Variants in KIFAP3 observed in about 807,000 individuals in gnomAD.
KIFAP3 encodes kinesin associated protein 3.
A neutral mutation model predicts 106.5 loss-of-function variants in KIFAP3; 68 were observed. The observed-to-expected ratio is 0.64, with a 90% CI of 0.53 to 0.78. The LOEUF is 0.78. Ranked by LOEUF, KIFAP3 falls within the 30% of genes least tolerant of loss-of-function variation. The pLI is 0.00. For synonymous variants in KIFAP3, 320 were observed against 311.5 expected (o/e 1.03, Z -0.29); for missense variants, 780 against 941.8 (o/e 0.83, Z 2.25).
intron 10 of KIFAP3, among the ~76,000 whole-genome samples, chr1:170,011,556 CAT>C (rs1256028275): frequency 2.0e-5 from 3 of 151,546 alleles, no homozygotes; most frequent in African/African-American, 7.3e-5. Context: ...TGTATATAAA[CAT>C]ATACACATTA....
intron 19 of KIFAP3, among the ~76,000 whole-genome samples, chr1:169,940,006 ATTTATG>A (rs1446085869): frequency 6.6e-6 from 1 of 152,212 alleles, no homozygotes; most frequent in African/African-American, 2.4e-5. Flanking sequence ...GCAGATTCTG[ATTTATG>A]TTTATATGTT....
At position 170,046,856 on chromosome 1, in the gene KIFAP3, T is replaced by C; in HGVS notation, c.175A>G (p.Lys59Glu). The change falls in exon 3 of 20, where the codon AAG becomes GAG. Residue 59 changes from lysine (K) to glutamate (E), a missense_variant. Around this residue, in one of 3 missense-constraint regions of KIFAP3, gnomAD observed 588 missense variants for 678.9 expected, o/e 0.87. Coordinates refer to ENST00000361580, the MANE Select transcript of KIFAP3 (RefSeq NM_014970.4). ...ATATCTGTGTTGGCATTGAGACTCT[T>C]AAGTCGAATGCTGTAAGTATAACAG... ...RKECQKIIRL[K>E]SLNANTDITS... The C allele has an allele frequency of 6.2e-7, 1 of 1,602,336 alleles. No homozygotes were observed. Among genetic ancestry groups the C allele is most frequent in the Non-Finnish European group, 8.5e-7 (1 of 1,174,234 alleles).
intron 10 of KIFAP3, among the ~76,000 whole-genome samples, chr1:170,014,931 G>A (rs578140071): frequency 2.6e-5 from 4 of 152,120 alleles, no homozygotes; most frequent in Non-Finnish European, 5.9e-5. Flanking sequence ...CCTCATTTAA[G>A]AGATGAGGAA....
chr1:170,081,883 ATTAT>A (rs1402281265), intron 1 of KIFAP3, among the ~76,000 whole-genome samples: 1 of 152,104 alleles, frequency 6.6e-6, no homozygotes, highest in Non-Finnish European at 1.5e-5. Context: ...GGGTGGGAGC[ATTAT>A]TTTACCTGCC....
In KIFAP3 at chr1:170,074,427, A is replaced by T; in HGVS notation, c.32+9T>A. 1 of 1,613,948 alleles carries T rather than the reference A, an allele frequency of 6.2e-7. No individual in the cohort carries two copies. Among genetic ancestry groups the T allele is most frequent in the Non-Finnish European group, 8.5e-7 (1 of 1,179,960 alleles). On this transcript the variant is annotated intron_variant, in intron 1 of 19. Transcript: ENST00000361580. ...AGGAGGGTAGGACAGAGCCTTGGGG[A>T]GTCGTCACCTTTTGAGGTATCTGGC... is the stretch of plus-strand genomic sequence containing the variant.
In KIFAP3 at chr1:169,982,108, C is replaced by T. The variant is rs777912406; in HGVS notation, c.1673-11G>A. The T allele has an allele frequency of 4.3e-6, 7 of 1,610,126 alleles. No individual in the cohort carries two copies. The Admixed American group carries it at 6.8e-5, about 16-fold the overall frequency. ...CATCTTCTGCAGCACCTAGTGAAGT[C>T]AAACCATAGAAAGTTTTCACTGAAA... On this transcript the variant is annotated splice_polypyrimidine_tract_variant and intron_variant, in intron 14 of 19. Transcript: ENST00000361580.
chr1:170,038,395 A>C lies in KIFAP3; in HGVS notation c.412T>G (p.Tyr138Asp). ...ATATCTTCATATAATAACTCAATATATTCATCCATGTCATTAATGTTAGCA... is the reference window on the plus strand; with the variant it reads ...ATATCTTCATATAATAACTCAATATCTTCATCCATGTCATTAATGTTAGCA... ...EVANINDMDE[Y>D]IELLYEDIPD... The change falls in exon 5 of 20, where the codon TAT becomes GAT. Residue 138 changes from tyrosine to aspartate, a missense_variant. By Grantham distance (160) the Tyr-to-Asp change is radical. This residue lies in a region of KIFAP3 where 588 missense variants were observed against 678.9 expected (regional missense o/e 0.87). Transcript: ENST00000361580. 1 of 1,608,064 alleles carries C rather than the reference A, an allele frequency of 6.2e-7. No individual in the cohort carries two copies. Among genetic ancestry groups the C allele is most frequent in the South Asian group, 1.1e-5 (1 of 89,460 alleles).
Position 169,921,775 on chromosome 1 carries a change from T to C in KIFAP3, c.2280A>G (p.Gly760=). ...VGQHSFPGSL[G]MDGFGQPVGI... ...CAACTGGTTGGCCAAAGCCATCCAT[T>C]CCAAGGCTAAAAAAGAAAAAAAAGA... Residue 760 remains glycine (G), a synonymous_variant, in exon 20 of 20, where the codon GGA becomes GGG. Transcript: ENST00000361580. 6.2e-7 allele frequency: 1 copy of C among 1,613,334 alleles called. No homozygotes were observed. Among genetic ancestry groups the C allele is most frequent in the Non-Finnish European group, 8.5e-7 (1 of 1,179,362 alleles).
At chr1:170,074,701 G>A, upstream of KIFAP3, 2 of 1,404,080 alleles carry the variant, frequency 1.4e-6, no homozygotes, top group Non-Finnish European at 1.9e-6. Flanking sequence ...CGCCTAAGCC[G>A]GGCCGTCACG....
intron 10 of KIFAP3, among the ~76,000 whole-genome samples, chr1:169,994,361 C>G (rs1477044139): frequency 6.6e-6 from 1 of 152,130 alleles, no homozygotes; most frequent in Non-Finnish European, 1.5e-5. Context: ...ATTTTTATAT[C>G]ACAAGGTAAA....
chr1:169,956,438 A>G (rs1665015640), intron 18 of KIFAP3, among the ~76,000 whole-genome samples: 1 of 152,158 alleles, frequency 6.6e-6, no homozygotes, highest in South Asian at 2.1e-4. Context: ...GCAAAAGGAT[A>G]AATAGAAATA....
In KIFAP3 at chr1:170,046,842, G is replaced by A. The variant is rs760526753; in HGVS notation, c.189C>T (p.Ala63=). 1.2e-5 allele frequency: 20 copies of A among 1,606,600 alleles called. No individual in the cohort carries two copies. The South Asian group carries it at 1.6e-4, about 13-fold the overall frequency. Residue 63 remains alanine, a synonymous_variant, in exon 3 of 20, where the codon GCC becomes GCT. Coordinates refer to ENST00000361580, the MANE Select transcript of KIFAP3 (RefSeq NM_014970.4). The part of the protein sequence containing the change: ...QKIIRLKSLN[A]NTDITSLARK... ...TTGCCAGGGAAGTTATATCTGTGTT[G>A]GCATTGAGACTCTTAAGTCGAATGC...
At chr1:169,939,961 T>C (rs2750016) in intron 19 of KIFAP3, among the ~76,000 whole-genome samples, 48,501 of 152,004 alleles carry the variant, frequency 0.32, 8,475 homozygotes, top group East Asian at 0.69. Flanking sequence ...CAGGAAGCAG[T>C]TGGAATATGA....
At chr1:169,972,362 A>C in intron 17 of KIFAP3, 151 bp downstream of exon 17, 1 of 533,602 alleles carries the variant, frequency 1.9e-6, no homozygotes, top group Non-Finnish European at 3.4e-6. Flanking sequence ...CTAATGTTTA[A>C]AAAGTAAATT....
chr1:170,032,762 A>G (rs572991273), intron 7 of KIFAP3, among the ~76,000 whole-genome samples: 1 of 151,836 alleles, frequency 6.6e-6, no homozygotes, highest in East Asian at 1.9e-4. Context: ...CAATTACCAT[A>G]ATCTGTTGAG....
chr1:170,035,395 CACAG>C lies in KIFAP3; in HGVS notation c.617+55_617+58del, dbSNP rs1669634323. 4 of 1,029,528 alleles carry C rather than the reference CACAG, an allele frequency of 3.9e-6. No homozygotes were observed. The South Asian group carries it at 5.0e-5, about 13-fold the overall frequency. 63.8% of individuals were successfully genotyped at this position (1,029,528 alleles called of 1,614,324 possible). A position where few individuals can be genotyped will look rare whatever the true frequency, so the allele number is the denominator to read the frequency against. On this transcript the variant is annotated intron_variant, in intron 6 of 19. Coordinates refer to ENST00000361580, the MANE Select transcript of KIFAP3 (RefSeq NM_014970.4). ...AGTGATCTACAAATTGAATCAATGA[CACAG>C]ACAAAGAGCAATAGAGATACAGTAG...
chr1:169,973,481 T>A (rs1666053173), intron 16 of KIFAP3, among the ~76,000 whole-genome samples: 1 of 144,200 alleles, frequency 6.9e-6, no homozygotes. Flanking sequence ...CTTAGAAAAA[T>A]CAATGGAGGA....
intron 1 of KIFAP3, among the ~76,000 whole-genome samples, chr1:170,082,132 C>G (rs183057235): frequency 2.6e-5 from 4 of 152,294 alleles, no homozygotes; most frequent in Admixed American, 2.0e-4. Context: ...AACAATTGCT[C>G]ACAAATGTTC....
At chr1:170,061,635 C>T (rs1485246170) in intron 1 of KIFAP3, among the ~76,000 whole-genome samples, 1 of 152,100 alleles carries the variant, frequency 6.6e-6, no homozygotes, top group Non-Finnish European at 1.5e-5. Flanking sequence ...ACTAGAAATA[C>T]CATTTGACCC....
Sources: gnomAD v4.1 joint callset for allele counts (sites outside exome capture counted in the v4.1 genomes callset) on GRCh38, gnomAD v4.1.1 for gene constraint, gnomAD v4.1.1 regional missense constraint, MANE v1.5 for transcripts, NCBI Gene and HGNC (gene_info 2026-07-23, HGNC 2026-07-21) for gene names.